SPEG: variants seen among roughly 807,000 people sequenced by gnomAD.
SPEG encodes striated muscle preferentially expressed protein kinase.
In SPEG, 114 loss-of-function variants were observed where a neutral mutation model predicts 300.4. The ratio of observed to expected loss-of-function variants is 0.38; its 90% CI spans 0.33 to 0.44. The LOEUF (loss-of-function observed/expected upper bound fraction) is 0.44. Among genes scored for constraint, SPEG ranks in the 20% least tolerant of loss-of-function variants. The pLI is 1.00. For missense variants in SPEG, 4,201 were observed against 4,586.2 expected, an observed-to-expected ratio of 0.92 and a Z score of 2.43; for synonymous variants, 1,964 against 2,018.9, an observed-to-expected ratio of 0.97 and a Z score of 0.73.
In SPEG at chr2:219,462,066, C is replaced by T. The variant is rs377719499; in HGVS notation, c.2616+9C>T. On this transcript the variant is annotated intron_variant, in intron 7 of 40. Transcript: ENST00000312358. Reference sequence around the variant, plus strand: ...CACCCCCCACCTTCAAGGTCAGACCCCTGAGGCTGGGGCCTAGCCTCCTGT... The same window carrying T: ...CACCCCCCACCTTCAAGGTCAGACCTCTGAGGCTGGGGCCTAGCCTCCTGT... 2 of 1,592,748 alleles carry T rather than the reference C, an allele frequency of 1.3e-6. No homozygotes were observed. Among genetic ancestry groups the T allele is most frequent in the Non-Finnish European group, 1.7e-6 (2 of 1,172,252 alleles).
Position 219,481,195 on chromosome 2 carries a change from T to G in SPEG, c.5370-109T>G. On this transcript the variant is annotated intron_variant, in intron 26 of 40. Transcript: ENST00000312358. This position sits in a 1 kb window ranked among gnomAD's most constrained non-coding sequence, Gnocchi z 5.4. ...CTCTTACCCACATTTGCCCAGCCTC[T>G]GTCATCCTCACAACCCCAGAGCCTC... 1.6e-6 allele frequency: 2 copies of G among 1,233,338 alleles called. No individual in the cohort carries two copies. Among genetic ancestry groups the G allele is most frequent in the South Asian group, 2.8e-5 (2 of 72,684 alleles). 76.4% of individuals were successfully genotyped at this position (1,233,338 alleles called of 1,614,324 possible).
At chr2:219,453,891 T>C (rs1054157940) in intron 6 of SPEG, among the ~76,000 whole-genome samples, 4 of 151,470 alleles carry the variant, frequency 2.6e-5, no homozygotes, top group Non-Finnish European at 5.9e-5. Context: ...CACAGACATC[T>C]GGCAAGGGGT....
intron 34 of SPEG, 38 bp downstream of exon 34, chr2:219,488,938 G>T (rs1410137777): frequency 6.3e-7 from 1 of 1,587,738 alleles, no homozygotes; most frequent in Admixed American, 1.8e-5. Flanking sequence ...GGGAGCGGCA[G>T]GGGGAGGGTA....
rs1172338446 is a variant in SPEG, at chr2:219,448,773, C to T, written c.1615C>T (p.Pro539Ser). The change falls in exon 4 of 41, where the codon CCC (proline) becomes TCC (serine). Residue 539 changes from proline (P) to serine (S), a missense_variant. This residue lies in a region of SPEG where 1,258 missense variants were observed against 1,293.9 expected (regional missense o/e 0.97). Transcript: ENST00000312358. ...EPGEPPLFSR[P>S]STPKTSRAVS... Reference sequence around the variant, plus strand: ...CGGCGAGCCCCCGCTCTTCTCTCGGCCCTCCACCCCCAAGACATCGCGGGC... The same window carrying T: ...CGGCGAGCCCCCGCTCTTCTCTCGGTCCTCCACCCCCAAGACATCGCGGGC... The T allele has an allele frequency of 1.4e-6, 2 of 1,439,342 alleles. No individual in the cohort carries two copies. Among genetic ancestry groups the T allele is most frequent in the Non-Finnish European group, 1.8e-6 (2 of 1,103,412 alleles). The allele number at this position is 1,439,342 out of a possible 1,614,324, so 89.2% of individuals were successfully genotyped here.
rs1430198861 is a variant in SPEG, at chr2:219,477,746, G to A, written c.4787G>A (p.Arg1596Lys). 6.2e-7 allele frequency: 1 copy of A among 1,609,640 alleles called. No individual in the cohort carries two copies. Among genetic ancestry groups the A allele is most frequent in the East Asian group, 2.2e-5 (1 of 44,796 alleles). Residue 1596 changes from arginine (R) to lysine (K), a missense_variant, in exon 21 of 41, where the codon AGA becomes AAA. Around this residue, in one of 4 missense-constraint regions of SPEG, gnomAD observed 1,047 missense variants for 1,356.8 expected, o/e 0.77. Transcript: ENST00000312358. This position sits in a 1 kb window ranked among gnomAD's most constrained non-coding sequence, Gnocchi z 6.4. Reference sequence around the variant, plus strand: ...GAGGATGAGGACCATCGAGGAAGGAGACTCAGCGACTTTTATGACATCCAC... The same window carrying A: ...GAGGATGAGGACCATCGAGGAAGGAAACTCAGCGACTTTTATGACATCCAC... ...VGEDEDHRGRRLSDFYDIHQE... is the reference protein window; with the variant it reads ...VGEDEDHRGRKLSDFYDIHQE...
At chr2:219,472,753 C>T in intron 15 of SPEG, 137 bp from the exon 16 acceptor site, 1 of 686,040 alleles carries the variant, frequency 1.5e-6, no homozygotes, top group Non-Finnish European at 2.4e-6. Context: ...GATGGGGGGA[C>T]AGGCAGGAAG....
intron 39 of SPEG, 98 bp downstream of exon 39, chr2:219,491,967 C>G: frequency 7.4e-7 from 1 of 1,352,176 alleles, no homozygotes; most frequent in South Asian, 1.4e-5. Context: ...CCCACCTCCC[C>G]TGTACACACA....
Position 219,483,796 on chromosome 2 carries a change from G to A in SPEG, c.6333G>A (p.Glu2111=), listed in dbSNP as rs760296057. 12 of 1,568,418 alleles carry A rather than the reference G, an allele frequency of 7.7e-6. No homozygotes were observed. The highest frequency in any genetic ancestry group is 1.0e-5 in the Non-Finnish European group (12 of 1,164,526). The change falls in exon 30 of 41, where the codon GAG becomes GAA. Residue 2111 remains glutamate, a synonymous_variant. Transcript: ENST00000312358. ...DPRMARAASS[E]AAPHHQPPLE... ...GGATGGCACGAGCTGCCTCCAGCGA[G>A]GCAGCGCCCCACCACCAGCCCCCAC...
intron 6 of SPEG, among the ~76,000 whole-genome samples, chr2:219,454,362 G>A (rs756737408): frequency 3.3e-5 from 5 of 152,100 alleles, no homozygotes; most frequent in Non-Finnish European, 7.4e-5. Flanking sequence ...TTCTCCCAAA[G>A]CGGATGTGTG....
In SPEG at chr2:219,448,782, C is replaced by G. The variant is rs983794693; in HGVS notation, c.1624C>G (p.Pro542Ala). ...EPPLFSRPST[P>A]KTSRAVSPAA... ...CCCGCTCTTCTCTCGGCCCTCCACC[C>G]CCAAGACATCGCGGGCCGTGAGCCC... The change falls in exon 4 of 41, where the codon CCC (proline) becomes GCC (alanine). Residue 542 changes from proline (P) to alanine (A), a missense_variant. Around this residue, in one of 4 missense-constraint regions of SPEG, gnomAD observed 1,258 missense variants for 1,293.9 expected, o/e 0.97. Transcript: ENST00000312358. 2.8e-6 allele frequency: 4 copies of G among 1,421,164 alleles called. No individual in the cohort carries two copies. In the Admixed American group the frequency reaches 1.2e-4, roughly 42 times the overall value. 88.0% of individuals were successfully genotyped at this position (1,421,164 alleles called of 1,614,324 possible). A position where few individuals can be genotyped will look rare whatever the true frequency, so the allele number is the denominator to read the frequency against.
chr2:219,450,743 C>T (rs1689679280), intron 4 of SPEG: 1 of 159,080 alleles, frequency 6.3e-6, no homozygotes, highest in Admixed American at 6.5e-5. Flanking sequence ...TTGCTTTTAG[C>T]TTGTTCTTTG....
Position 219,473,673 on chromosome 2 carries a change from G to T in SPEG, c.4271+46G>T. ...TGGCAGCCCAGGTCTGGCCCAGCCT[G>T]GCCGGAATGCCCTGGGGCAAGATCT... On this transcript the variant is annotated intron_variant, in intron 17 of 40. Coordinates refer to ENST00000312358, the MANE Select transcript of SPEG (RefSeq NM_005876.5). The surrounding 1 kb of genome is among the most constrained non-coding windows in gnomAD (Gnocchi z 4.6). The T allele has an allele frequency of 6.2e-7, 1 of 1,613,700 alleles. No homozygotes were observed. Among genetic ancestry groups the T allele is most frequent in the Non-Finnish European group, 8.5e-7 (1 of 1,179,734 alleles).
chr2:219,471,818 C>G (rs759474250), intron 13 of SPEG, 50 bp from the exon 14 acceptor site: 2 of 1,610,102 alleles, frequency 1.2e-6, no homozygotes, highest in Admixed American at 1.7e-5. Context: ...GCCTACCCCT[C>G]AAGGTATCCT....
At chr2:219,470,734 A>G (rs951550057) in intron 13 of SPEG, among the ~76,000 whole-genome samples, 1 of 152,184 alleles carries the variant, frequency 6.6e-6, no homozygotes, top group African/African-American at 2.4e-5. Flanking sequence ...GAGTAGGGAA[A>G]GAGCTTTGGA....
intron 3 of SPEG, 140 bp from the exon 4 acceptor site, chr2:219,447,834 G>C: frequency 1.3e-6 from 1 of 754,130 alleles, no homozygotes; most frequent in Non-Finnish European, 2.1e-6. Context: ...CGTGGGGGTG[G>C]GGGTGGGGGG....
chr2:219,477,322 G>A lies in SPEG; in HGVS notation c.4606G>A (p.Glu1536Lys). The change falls in exon 20 of 41, where the codon GAG (glutamate) becomes AAG (lysine). Residue 1536 changes from glutamate to lysine, a missense_variant. Coordinates refer to ENST00000312358, the MANE Select transcript of SPEG (RefSeq NM_005876.5). The surrounding 1 kb of genome is among the most constrained non-coding windows in gnomAD (Gnocchi z 6.4). ...GAGCAGCCATGTGAGCTTCGTGTAC[G>A]AGGAGAATGAGTGCTCCCTGGTGGT... ...TESSHVSFVY[E>K]ENECSLVVLS... The A allele has an allele frequency of 2.5e-6, 4 of 1,613,530 alleles. No homozygotes were observed. Among genetic ancestry groups the A allele is most frequent in the South Asian group, 1.1e-5 (1 of 91,026 alleles).
intron 18 of SPEG, among the ~76,000 whole-genome samples, chr2:219,476,018 C>CA (rs1271747616): frequency 6.6e-6 from 1 of 151,256 alleles, no homozygotes; most frequent in Non-Finnish European, 1.5e-5. Flanking sequence ...GATGCTCAAA[C>CA]ACGCTGGGGT....
At position 219,490,455 on chromosome 2, in the gene SPEG, C is replaced by T. The variant is rs1433405348; in HGVS notation, c.8968C>T (p.Arg2990Ter). ...AGCGTGCCGGGAGAATGCCACGGGG[C>T]GAACGTTCGTGGCCAAGATCGTGCC... ...VRACRENATG[R>*]TFVAKIVPYA... Residue 2990 changes from arginine to a stop codon, truncating the protein, a stop_gained, in exon 37 of 41, where the codon CGA becomes TGA. Transcript: ENST00000312358. LOFTEE classifies it high-confidence loss of function. The T allele has an allele frequency of 1.2e-6, 2 of 1,613,072 alleles. No homozygotes were observed. Among genetic ancestry groups the T allele is most frequent in the South Asian group, 1.1e-5 (1 of 91,068 alleles).
At chr2:219,490,980 G>T (rs770454624) in intron 38 of SPEG, 24 bp downstream of exon 38, 2 of 1,594,036 alleles carry the variant, frequency 1.3e-6, no homozygotes, top group South Asian at 2.2e-5. Flanking sequence ...CTGCCAGCCA[G>T]GGTGGGGACA....
Sources: gnomAD v4.1 joint callset for allele counts (sites outside exome capture counted in the v4.1 genomes callset) on GRCh38, gnomAD v4.1.1 for gene constraint, gnomAD v4.1.1 regional missense constraint, Gnocchi (gnomAD v3.1) non-coding constraint, MANE v1.5 for transcripts, NCBI Gene and HGNC (gene_info 2026-07-23, HGNC 2026-07-21) for gene names.